Variants in IFRD2 observed in about 807,000 individuals in gnomAD.
IFRD2 encodes interferon-related developmental regulator 2.
Under a neutral mutation model 49.2 loss-of-function variants are expected in IFRD2, and 35 were observed. The ratio of observed to expected loss-of-function variants is 0.71; its 90% CI spans 0.54 to 0.94. The LOEUF (loss-of-function observed/expected upper bound fraction) is 0.94, where lower values mean the gene tolerates loss of function less well. Ranked by LOEUF, IFRD2 falls within the 40% of genes least tolerant of loss-of-function variation. The pLI is 0.00. For missense variants in IFRD2, 561 were observed against 591.6 expected (o/e 0.95, Z 0.54); for synonymous variants, 275 against 239.7 (o/e 1.15, Z -1.36).
Position 50,288,456 on chromosome 3 carries a change from G to C in IFRD2, c.1201C>G (p.Leu401Val), listed in dbSNP as rs1553708970. 6.2e-7 allele frequency: 1 copy of C among 1,613,860 alleles called. No individual in the cohort carries two copies. The highest frequency in any genetic ancestry group is 2.2e-5 in the East Asian group (1 of 44,872). Residue 401 changes from leucine to valine, a missense_variant, in exon 11 of 12, where the codon CTG becomes GTG. Transcript: ENST00000417626. ...CAGGCCTTCAGGGCAGTGGCATCCA[G>C]CAACAGCACAGGGCCCAGGCCAAAG... ...DIFGLGPVLL[L>V]DATALKACKV...
Position 50,288,178 on chromosome 3 carries a change from A to G in IFRD2, c.*13T>C, listed in dbSNP as rs1553708881. On this transcript the variant is annotated 3_prime_UTR_variant, in exon 12 of 12. Coordinates refer to ENST00000417626, the MANE Select transcript of IFRD2 (RefSeq NM_006764.5). Reference sequence around the variant, plus strand: ...CAAGGGCATAGAAAGTCTCCTCTTCAGCAGGTCCTGCTTCACAGGATGTCT... The same window carrying G: ...CAAGGGCATAGAAAGTCTCCTCTTCGGCAGGTCCTGCTTCACAGGATGTCT... The G allele has an allele frequency of 6.2e-7, 1 of 1,609,964 alleles. No individual in the cohort carries two copies. The highest frequency in any genetic ancestry group is 8.5e-7 in the Non-Finnish European group (1 of 1,176,720).
At chr3:50,291,472 G>A (rs1701671656) in intron 1 of IFRD2, among the ~76,000 whole-genome samples, 1 of 151,980 alleles carries the variant, frequency 6.6e-6, no homozygotes, top group South Asian at 2.1e-4. Context: ...AGGCCTCCCT[G>A]AGTCCTAAGT....
chr3:50,291,306 A>G (rs938401658), intron 1 of IFRD2, among the ~76,000 whole-genome samples: 1 of 152,102 alleles, frequency 6.6e-6, no homozygotes, highest in Non-Finnish European at 1.5e-5. Flanking sequence ...CACCACGCCC[A>G]GCCTGCTCCC....
chr3:50,288,107 CTGG>C lies in IFRD2; in HGVS notation c.*81_*83del, dbSNP rs1701591066. 2.5e-6 allele frequency: 3 copies of C among 1,199,940 alleles called. No homozygotes were observed. In the East Asian group the frequency reaches 7.5e-5, roughly 30 times the overall value. The allele number at this position is 1,199,940 out of a possible 1,614,324, so 74.3% of individuals were successfully genotyped here. A position where few individuals can be genotyped will look rare whatever the true frequency, so the allele number is the denominator to read the frequency against. ...ATTAAAAAAAATAAAGTGACAAATA[CTGG>C]TGGAGACCAGTTGTTGCACTGTCTT... On this transcript the variant is annotated 3_prime_UTR_variant, in exon 12 of 12. Coordinates refer to ENST00000417626, the MANE Select transcript of IFRD2 (RefSeq NM_006764.5).
intron 2 of IFRD2, 28 bp from the exon 3 acceptor site, chr3:50,290,500 T>G (rs781844654): frequency 6.3e-7 from 1 of 1,594,946 alleles, no homozygotes; most frequent in South Asian, 1.1e-5. Context: ...CAGCACCGCT[T>G]CTTGTCCTCA....
chr3:50,291,878 TG>T (rs1701682365), intron 1 of IFRD2: 1 of 287,864 alleles, frequency 3.5e-6, no homozygotes, highest in African/African-American at 2.2e-5. Context: ...CCAACTTCCT[TG>T]ACCAGTCCAG....
chr3:50,289,964 T>A lies in IFRD2; in HGVS notation c.511A>T (p.Ser171Cys). ...GCAGCAGGGCTAGCTGTGCTGTCACTGAGCACAGAGACCAGCAGAGGCTGC... is the reference window on the plus strand; with the variant it reads ...GCAGCAGGGCTAGCTGTGCTGTCACAGAGCACAGAGACCAGCAGAGGCTGC... ...SLQPLLVSVLSDSTASPAARL... is the reference protein window; with the variant it reads ...SLQPLLVSVLCDSTASPAARL... The change falls in exon 5 of 12, where the codon AGT becomes TGT. Residue 171 changes from serine to cysteine, a missense_variant. Physicochemically the swap from Ser to Cys is moderately radical, Grantham distance 112. Coordinates refer to ENST00000417626, the MANE Select transcript of IFRD2 (RefSeq NM_006764.5). 1 of 1,613,094 alleles carries A rather than the reference T, an allele frequency of 6.2e-7. No individual in the cohort carries two copies. The highest frequency in any genetic ancestry group is 1.1e-5 in the South Asian group (1 of 90,906).
rs781873482 is a variant in IFRD2 at position 50,290,291 on chromosome 3, G to A, written c.267C>T (p.Ala89=). ...TCTCAAGAGCACCCTGCCGGGTCTTGGCACTGGGGGAGGTCGAGAAGGGGG... is the reference window on the plus strand; with the variant it reads ...TCTCAAGAGCACCCTGCCGGGTCTTAGCACTGGGGGAGGTCGAGAAGGGGG... ...EYVDCLTDKS[A]KTRQGALESL... The change falls in exon 4 of 12, where the codon GCC becomes GCT. Residue 89 remains alanine (A), a synonymous_variant. Coordinates refer to ENST00000417626, the MANE Select transcript of IFRD2 (RefSeq NM_006764.5). The A allele has an allele frequency of 1.9e-6, 3 of 1,610,542 alleles. No individual in the cohort carries two copies. The highest frequency in any genetic ancestry group is 8.5e-7 in the Non-Finnish European group (1 of 1,178,324).
rs2109275786 is a variant in IFRD2, at chr3:50,289,773, A to G, written c.547-11T>C. ...AAGGGCAGAAGCACACTGTTGGGAG[A>G]AGGGCAATGCAATGCCACGGTCAGC... On this transcript the variant is annotated splice_polypyrimidine_tract_variant and intron_variant, in intron 5 of 11. Transcript: ENST00000417626. 1 of 1,598,922 alleles carries G rather than the reference A, an allele frequency of 6.3e-7. No homozygotes were observed. The highest frequency in any genetic ancestry group is 8.5e-7 in the Non-Finnish European group (1 of 1,173,058).
In IFRD2 at chr3:50,289,560, G is replaced by A; in HGVS notation, c.666C>T (p.Ser222=). 1 of 1,581,492 alleles carries A rather than the reference G, an allele frequency of 6.3e-7. No individual in the cohort carries two copies. Among genetic ancestry groups the A allele is most frequent in the Non-Finnish European group, 8.6e-7 (1 of 1,164,866 alleles). Residue 222 remains serine, a synonymous_variant, in exon 7 of 12, where the codon TCC becomes TCT. Coordinates refer to ENST00000417626, the MANE Select transcript of IFRD2 (RefSeq NM_006764.5). ...GGCTGGCAGGAACCACAGGACTTGTGGAGCTGCCCCCCAAGCCATAGAACC... is the reference window on the plus strand; with the variant it reads ...GGCTGGCAGGAACCACAGGACTTGTAGAGCTGCCCCCCAAGCCATAGAACC... The part of the protein sequence containing the change: ...FSRFYGLGGS[S]TSPVVPASLH...
chr3:50,290,811 T>C, intron 1 of IFRD2, 132 bp from the exon 2 acceptor site: 2 of 1,219,748 alleles, frequency 1.6e-6, no homozygotes, highest in Non-Finnish European at 2.3e-6. Flanking sequence ...AAGCCAAGGG[T>C]CAGTTCAGTA....
At position 50,292,227 on chromosome 3, in the gene IFRD2, G is replaced by A; in HGVS notation, c.48C>T (p.Arg16=). 1 of 1,493,012 alleles carries A rather than the reference G, an allele frequency of 6.7e-7. No homozygotes were observed. The highest frequency in any genetic ancestry group is 8.9e-7 in the Non-Finnish European group (1 of 1,124,376). 92.5% of individuals were successfully genotyped at this position (1,493,012 alleles called of 1,614,324 possible). A position where few individuals can be genotyped will look rare whatever the true frequency, so the allele number is the denominator to read the frequency against. The part of the protein sequence containing the change: ...KGNTLRKGGQ[R]RGGGARSSAQ... ...CCCCACCCCACTCACCTCCTCCACG[G>A]CGCTGACCACCCTTCCGGAGCGTGT... Residue 16 remains arginine (R), a synonymous_variant, in exon 1 of 12, where the codon CGC becomes CGT. Transcript: ENST00000417626.
In IFRD2 at chr3:50,288,790, TCA is replaced by T; in HGVS notation, c.1023+8_1023+9del. The T allele has an allele frequency of 3.1e-6, 5 of 1,613,008 alleles. No individual in the cohort carries two copies. Among genetic ancestry groups the T allele is most frequent in the Non-Finnish European group, 4.2e-6 (5 of 1,179,408 alleles). On this transcript the variant is annotated splice_region_variant and intron_variant, in intron 9 of 11. Transcript: ENST00000417626. ...CACCCTTGCTAGGACACATATGTTC[TCA>T]CACACACCTCCACGGAGTGCAGCAC...
chr3:50,288,967 T>C, intron 8 of IFRD2, 30 bp from the exon 9 acceptor site: 1 of 1,605,996 alleles, frequency 6.2e-7, no homozygotes, highest in Non-Finnish European at 8.5e-7. Flanking sequence ...GGGTGTGTGG[T>C]AGATGCTTGA....
At chr3:50,290,846 G>A (rs1701659621) in intron 1 of IFRD2, among the ~76,000 whole-genome samples, 167 bp from the exon 2 acceptor site, 2 of 152,070 alleles carry the variant, frequency 1.3e-5, no homozygotes, top group Admixed American at 6.6e-5. Context: ...CTGTGTGTGG[G>A]GTCTGTCCAG....
At chr3:50,289,164 A>G in intron 8 of IFRD2, 91 bp downstream of exon 8, 1 of 1,260,626 alleles carries the variant, frequency 7.9e-7, no homozygotes, top group Non-Finnish European at 1.1e-6. Context: ...ATAATGACCT[A>G]AAGCTGTTCT....
At chr3:50,290,515 A>T (rs587672272) in intron 2 of IFRD2, 43 bp from the exon 3 acceptor site, 3 of 1,604,316 alleles carry the variant, frequency 1.9e-6, no homozygotes, top group East Asian at 2.2e-5. Flanking sequence ...TCCTCAGCCC[A>T]TGGAGCCCTC....
rs1553708904 is a variant in IFRD2 at position 50,288,229 on chromosome 3, G to A, written c.1291C>T (p.Arg431Ter). The part of the protein sequence containing the change: ...AAAFKARTKA[R>*]SRVRDKRADI... ...GCCCGCTTGTCCCGCACACGGCTTC[G>A]AGCCTTGGTCCGGGCTTTGAAGGCA... is the stretch of plus-strand genomic sequence containing the variant. Residue 431 changes from arginine (R) to a stop codon, truncating the protein, a stop_gained, in exon 12 of 12, where the codon CGA becomes TGA. Transcript: ENST00000417626. LOFTEE classifies it high-confidence loss of function. 5 of 1,613,890 alleles carry A rather than the reference G, an allele frequency of 3.1e-6. No individual in the cohort carries two copies. Among genetic ancestry groups the A allele is most frequent in the South Asian group, 1.1e-5 (1 of 91,074 alleles).
At position 50,288,393 on chromosome 3, in the gene IFRD2, G is replaced by A. The variant is rs1553708946; in HGVS notation, c.1248+16C>T. 3 of 1,609,236 alleles carry A rather than the reference G, an allele frequency of 1.9e-6. No individual in the cohort carries two copies. Among genetic ancestry groups the A allele is most frequent in the Non-Finnish European group, 2.5e-6 (3 of 1,177,446 alleles). ...ATGGGAATAGGGGGAAGAGAAAGGT[G>A]CCCAAGGGTGCAAACCTTCTCAAAG... On this transcript the variant is annotated intron_variant, in intron 11 of 11. Transcript: ENST00000417626.
Sources: gnomAD v4.1 joint callset for allele counts (sites outside exome capture counted in the v4.1 genomes callset) on GRCh38, gnomAD v4.1.1 for gene constraint, MANE v1.5 for transcripts, NCBI Gene and HGNC (gene_info 2026-07-23, HGNC 2026-07-21) for gene names.